Variants in SCN9A observed in about 807,000 individuals in gnomAD.
The protein encoded by SCN9A is sodium channel protein type 9 subunit alpha.
A neutral mutation model predicts 187.0 loss-of-function variants in SCN9A; 131 were observed. The ratio of observed to expected loss-of-function variants is 0.70; its 90% CI spans 0.61 to 0.81. SCN9A has a LOEUF of 0.81. Among genes scored for constraint, SCN9A ranks in the 30% least tolerant of loss-of-function variants. The pLI, the probability that SCN9A is intolerant of heterozygous loss-of-function variation, is 0.00. For missense variants in SCN9A, 2,252 were observed against 2,396.6 expected, an observed-to-expected ratio of 0.94 and a Z score of 1.26; for synonymous variants, 809 against 808.6, an observed-to-expected ratio of 1.00 and a Z score of -0.01.
chr2:166,316,823 C>A (rs1343353662), intron 1 of SCN9A, among the ~76,000 whole-genome samples: 2 of 152,138 alleles, frequency 1.3e-5, no homozygotes, highest in Non-Finnish European at 2.9e-5. Context: ...AGACAGTAAT[C>A]TCAGGTGTCC....
chr2:166,343,391 G>A (rs1301091502), intron 1 of SCN9A, among the ~76,000 whole-genome samples: 1 of 151,598 alleles, frequency 6.6e-6, no homozygotes, highest in African/African-American at 2.4e-5. Context: ...TTACTTTTCT[G>A]GGAAAAAGAA....
chr2:166,242,701 A>G (rs1212361016), intron 18 of SCN9A, 45 bp from the exon 19 acceptor site: 2 of 1,455,764 alleles, frequency 1.4e-6, no homozygotes, highest in African/African-American at 2.8e-5. Flanking sequence ...TTCAGAATAA[A>G]TAAAATTTTT....
intron 16 of SCN9A, among the ~76,000 whole-genome samples, chr2:166,273,191 G>A (rs1351593454): frequency 6.6e-6 from 1 of 152,098 alleles, no homozygotes; most frequent in African/African-American, 2.4e-5. Flanking sequence ...CATTTCTGTA[G>A]CAGTAGTGCC....
chr2:166,342,360 C>T (rs1376469592), intron 1 of SCN9A, among the ~76,000 whole-genome samples: 1 of 152,104 alleles, frequency 6.6e-6, no homozygotes, highest in Non-Finnish European at 1.5e-5. Flanking sequence ...CCAGTCATGA[C>T]CCCTTCAATG....
chr2:166,313,615 T>C (rs1699033523), intron 1 of SCN9A, among the ~76,000 whole-genome samples: 1 of 152,194 alleles, frequency 6.6e-6, no homozygotes, highest in Admixed American at 6.6e-5. Context: ...TAAGGAAATG[T>C]TGTGGCTGGT....
intron 17 of SCN9A, among the ~76,000 whole-genome samples, chr2:166,256,062 C>G (rs1696260191): frequency 6.6e-6 from 1 of 151,166 alleles, no homozygotes; most frequent in South Asian, 2.1e-4. Context: ...GCATAAGAGT[C>G]CAATATTTTC....
chr2:166,352,805 A>G (rs1700070688), intron 1 of SCN9A, among the ~76,000 whole-genome samples: 1 of 152,186 alleles, frequency 6.6e-6, no homozygotes, highest in African/African-American at 2.4e-5. Flanking sequence ...AACTATGAGC[A>G]TTCAACTGAA....
intron 5 of SCN9A, among the ~76,000 whole-genome samples, chr2:166,304,909 T>C (rs1698704004): frequency 6.6e-6 from 1 of 152,134 alleles, no homozygotes; most frequent in African/African-American, 2.4e-5. Context: ...TTGTGAATTT[T>C]GTAGTATTTG....
At chr2:166,222,959 A>AAC (rs1694677950) in intron 24 of SCN9A, among the ~76,000 whole-genome samples, 5 of 146,990 alleles carry the variant, frequency 3.4e-5, no homozygotes, top group Admixed American at 6.8e-5. Context: ...AAAAAAAAAA[A>AAC]AAAAAAAAAA....
At chr2:166,253,597 T>C (rs961136870) in intron 17 of SCN9A, among the ~76,000 whole-genome samples, 1 of 151,854 alleles carries the variant, frequency 6.6e-6, no homozygotes, top group African/African-American at 2.4e-5. Context: ...ATTACTAATA[T>C]GTATTTTGTG....
intron 7 of SCN9A, among the ~76,000 whole-genome samples, chr2:166,297,942 A>T (rs541288649): frequency 2.6e-5 from 4 of 152,128 alleles, no homozygotes; most frequent in Admixed American, 1.3e-4. Flanking sequence ...TGAAGTTTTT[A>T]AATTAATTTT....
intron 24 of SCN9A, among the ~76,000 whole-genome samples, chr2:166,214,840 A>G (rs927895944): frequency 6.6e-6 from 1 of 151,808 alleles, no homozygotes; most frequent in Non-Finnish European, 1.5e-5. Context: ...AAGATGTGGA[A>G]GGTCTCTACC....
chr2:166,286,952 A>G (rs544753185), intron 10 of SCN9A, among the ~76,000 whole-genome samples: 2 of 152,312 alleles, frequency 1.3e-5, no homozygotes, highest in East Asian at 3.9e-4. Flanking sequence ...AAACCATGCA[A>G]TAAGACAGAC....
At chr2:166,356,907 A>G (rs1438161411) in intron 1 of SCN9A, among the ~76,000 whole-genome samples, 2 of 152,112 alleles carry the variant, frequency 1.3e-5, no homozygotes, top group African/African-American at 2.4e-5. Context: ...AGCTACAATA[A>G]TTATCTTCTC....
At chr2:166,209,650 A>G (rs1430483414) in intron 24 of SCN9A, among the ~76,000 whole-genome samples, 1 of 152,186 alleles carries the variant, frequency 6.6e-6, no homozygotes, top group Non-Finnish European at 1.5e-5. Flanking sequence ...GGTAAAGGAT[A>G]TGAACAGACA....
At position 166,198,928 on chromosome 2, in the gene SCN9A, C is replaced by T. The variant is rs79805025; in HGVS notation, c.5711G>A (p.Arg1904His). Residue 1904 changes from arginine (R) to histidine (H), a missense_variant, in exon 27 of 27, where the codon CGC (arginine) becomes CAC (histidine). Physicochemically the swap from Arg to His is conservative, Grantham distance 29. Around this residue, in one of 7 missense-constraint regions of SCN9A, gnomAD observed 345 missense variants for 344.6 expected, o/e 1.00. Transcript: ENST00000642356. The stretch of plus-strand genomic sequence containing the variant: ...TATATTTTTGACATTTTGCCTTAAG[C>T]GGTAACGTCTATAAGCACGCTGAAT... ...TVIQRAYRRY[R>H]LRQNVKNISS... 244 of 1,613,850 alleles carry T rather than the reference C, an allele frequency of 1.5e-4. 1 individual carries two copies. The East Asian group carries it at 5.1e-3, about 33-fold the overall frequency.
chr2:166,339,008 AGTAT>A (rs746350953), intron 1 of SCN9A, among the ~76,000 whole-genome samples: 5 of 152,298 alleles, frequency 3.3e-5, no homozygotes, highest in African/African-American at 4.8e-5. Flanking sequence ...CATGGCTTAG[AGTAT>A]GTACCTGTTG....
chr2:166,363,833 AAG>A (rs1311047779), intron 1 of SCN9A, among the ~76,000 whole-genome samples: 1 of 152,104 alleles, frequency 6.6e-6, no homozygotes, highest in Non-Finnish European at 1.5e-5. Context: ...AAAAGAAAAA[AAG>A]AGCTGAATTG....
At position 166,232,973 on chromosome 2, in the gene SCN9A, A is replaced by G. The variant is rs1248967612; in HGVS notation, c.3924+367T>C. On this transcript the variant is annotated intron_variant, in intron 21 of 26. Transcript: ENST00000642356. The stretch of plus-strand genomic sequence containing the variant: ...AGTAATATACTATTTAATTAATGCT[A>G]TAATTAGTATTTATATATTAGTATG... 3.4e-5 allele frequency among the ~76,000 whole-genome samples: 5 copies of G among 147,350 alleles called. 1 individual carries two copies. The highest frequency in any genetic ancestry group is 1.2e-4 in the African/African-American group (5 of 40,714).
Sources: gnomAD v4.1 joint callset for allele counts (sites outside exome capture counted in the v4.1 genomes callset) on GRCh38, gnomAD v4.1.1 for gene constraint, gnomAD v4.1.1 regional missense constraint, MANE v1.5 for transcripts, NCBI Gene and HGNC (gene_info 2026-07-23, HGNC 2026-07-21) for gene names.